CWH43: variants seen among roughly 807,000 people sequenced by gnomAD.
CWH43 encodes the protein PGAP2-interacting protein.
CWH43 carries 91 observed loss-of-function variants against 85.7 expected under a neutral mutation model. The ratio of observed to expected loss-of-function variants is 1.06; its 90% CI spans 0.90 to 1.26. The LOEUF (loss-of-function observed/expected upper bound fraction) is 1.26, where lower values mean the gene tolerates loss of function less well. Among genes scored for constraint, CWH43 ranks in the 50% most tolerant of loss-of-function variants. CWH43 has a pLI of 0.00. For synonymous variants in CWH43, 323 were observed against 293.6 expected (o/e 1.10, Z -1.02); for missense variants, 869 against 839.2 (o/e 1.04, Z -0.44).
At chr4:48,990,412 C>T (rs943445895) in intron 2 of CWH43, among the ~76,000 whole-genome samples, 6 of 152,150 alleles carry the variant, frequency 3.9e-5, no homozygotes, top group African/African-American at 1.4e-4. Context: ...TTAAAACTCC[C>T]TTCAAATACT....
In CWH43 at chr4:48,998,485, A is replaced by G. The variant is rs1782886141; in HGVS notation, c.739A>G (p.Ser247Gly). 6.2e-7 allele frequency: 1 copy of G among 1,613,944 alleles called. No homozygotes were observed. Among genetic ancestry groups the G allele is most frequent in the East Asian group, 2.2e-5 (1 of 44,886 alleles). Residue 247 changes from serine (S) to glycine (G), a missense_variant, in exon 6 of 16, where the codon AGT becomes GGT. Coordinates refer to ENST00000226432, the MANE Select transcript of CWH43 (RefSeq NM_025087.3). Reference protein sequence around the residue: ...FGGAVLLCLASGLMLPSCLWF... With the variant: ...FGGAVLLCLAGGLMLPSCLWF... Reference sequence around the variant, plus strand: ...AGGTGCAGTACTGCTGTGCTTGGCAAGTGGATTGATGCTTCCATCTTGTTT... The same window carrying G: ...AGGTGCAGTACTGCTGTGCTTGGCAGGTGGATTGATGCTTCCATCTTGTTT...
At chr4:49,044,300 C>T (rs143215338) in intron 13 of CWH43, among the ~76,000 whole-genome samples, 4 of 152,300 alleles carry the variant, frequency 2.6e-5, no homozygotes, top group South Asian at 2.1e-4. Flanking sequence ...AACACCTGCT[C>T]AATGCCAGGT....
chr4:49,053,868 G>A (rs978617718), intron 15 of CWH43, among the ~76,000 whole-genome samples: 1 of 152,156 alleles, frequency 6.6e-6, no homozygotes, highest in African/African-American at 2.4e-5. Context: ...TTCCAAAAAT[G>A]AATCCAAAAT....
chr4:49,007,645 G>A (rs1783205254), intron 8 of CWH43, among the ~76,000 whole-genome samples: 1 of 151,262 alleles, frequency 6.6e-6, no homozygotes, highest in Admixed American at 6.6e-5. Flanking sequence ...CCCACAGCAG[G>A]CCCCAGTGTG....
Position 49,044,786 on chromosome 4 carries a change from G to C in CWH43, c.1804G>C (p.Asp602His), listed in dbSNP as rs746550992. The change falls in exon 14 of 16, where the codon GAT becomes CAT. Residue 602 changes from aspartate to histidine, a missense_variant and splice_region_variant. By Grantham distance (81) the Asp-to-His change is moderately conservative. Transcript: ENST00000226432. ...LQLTEHGNVK[D>H]IDSTDHDRWC... ...CATTCTCCTCTCTGCTCTTTATTAG[G>C]ATATCGACAGCACTGATCATGACAG... The C allele has an allele frequency of 6.2e-7, 1 of 1,612,118 alleles. No homozygotes were observed. The highest frequency in any genetic ancestry group is 8.5e-7 in the Non-Finnish European group (1 of 1,178,706).
At chr4:49,061,315 T>A (rs1333420939) in intron 15 of CWH43, among the ~76,000 whole-genome samples, 2 of 152,222 alleles carry the variant, frequency 1.3e-5, no homozygotes, top group Non-Finnish European at 2.9e-5. Flanking sequence ...AGGAAGGAAG[T>A]GGCCTCTTAT....
At chr4:49,005,571 T>C (rs973546142) in intron 7 of CWH43, among the ~76,000 whole-genome samples, 30 of 151,364 alleles carry the variant, frequency 2.0e-4, no homozygotes, top group African/African-American at 7.0e-4. Context: ...TTCTTTTTTT[T>C]TTTTTTGAGA....
intron 14 of CWH43, among the ~76,000 whole-genome samples, chr4:49,048,745 T>C (rs1784708556): frequency 6.6e-6 from 1 of 152,088 alleles, no homozygotes; most frequent in Non-Finnish European, 1.5e-5. Flanking sequence ...CTTAATTATT[T>C]CCTTAGAAGA....
chr4:49,003,978 C>T lies in CWH43; in HGVS notation c.1046C>T (p.Ser349Leu), dbSNP rs150028125. The T allele has an allele frequency of 5.0e-6, 8 of 1,611,030 alleles. No homozygotes were observed. Among genetic ancestry groups the T allele is most frequent in the Middle Eastern group, 1.7e-4 (1 of 6,032 alleles). The change falls in exon 7 of 16, where the codon TCA becomes TTA. Residue 349 changes from serine to leucine, a missense_variant. Around this residue, in one of 3 missense-constraint regions of CWH43, gnomAD observed 577 missense variants for 513.1 expected, o/e 1.12. Coordinates refer to ENST00000226432, the MANE Select transcript of CWH43 (RefSeq NM_025087.3). ...GGAGGTGTCTACGCTAGAGAAAGAT[C>T]AGATGTGCTTTTGGGTGAGTACATT... ...VPGGVYARER[S>L]DVLLGTMMLI...
chr4:49,058,458 T>C (rs1376166311), intron 15 of CWH43, among the ~76,000 whole-genome samples: 1 of 152,198 alleles, frequency 6.6e-6, no homozygotes, highest in Non-Finnish European at 1.5e-5. Context: ...ATAGTTATTT[T>C]AATATTTATC....
chr4:49,036,879 C>A (rs1784278150), intron 12 of CWH43, among the ~76,000 whole-genome samples: 1 of 152,182 alleles, frequency 6.6e-6, no homozygotes, highest in African/African-American at 2.4e-5. Context: ...ATGGTCCCAG[C>A]TCCTCTGGGA....
intron 6 of CWH43, among the ~76,000 whole-genome samples, chr4:48,998,760 C>T (rs933225650): frequency 5.9e-5 from 9 of 152,174 alleles, no homozygotes; most frequent in Admixed American, 5.2e-4. Flanking sequence ...CCTCCGCCTC[C>T]CCCTCCTCCT....
At chr4:48,989,479 A>G (rs1278992463) in intron 2 of CWH43, among the ~76,000 whole-genome samples, 1 of 152,246 alleles carries the variant, frequency 6.6e-6, no homozygotes, top group Non-Finnish European at 1.5e-5. Context: ...AATATATCCT[A>G]CAGATATACT....
At chr4:49,046,308 C>CCATTCATTCATTCATTCATT (rs3038725) in intron 14 of CWH43, among the ~76,000 whole-genome samples, 1 of 150,542 alleles carries the variant, frequency 6.6e-6, no homozygotes, top group African/African-American at 2.4e-5. Flanking sequence ...GAGGGACTAA[C>CCATTCATTCATTCATTCATT]CATTCATTCA....
At chr4:49,003,710 T>A in intron 6 of CWH43, 25 bp from the exon 7 acceptor site, 1 of 1,612,646 alleles carries the variant, frequency 6.2e-7, no homozygotes, top group Non-Finnish European at 8.5e-7. Flanking sequence ...CTTTCCTGTC[T>A]GATTCTTTTC....
chr4:49,057,439 A>T (rs1286754006), intron 15 of CWH43, among the ~76,000 whole-genome samples: 3 of 152,236 alleles, frequency 2.0e-5, no homozygotes, highest in Non-Finnish European at 4.4e-5. Flanking sequence ...ATATGCATTT[A>T]TCTCAGTGAG....
At chr4:48,988,333 C>CTTTAAA in intron 1 of CWH43, 144 bp from the exon 2 acceptor site, 2 of 466,530 alleles carry the variant, frequency 4.3e-6, no homozygotes, top group Non-Finnish European at 7.3e-6. Flanking sequence ...TGTTCCATGT[C>CTTTAAA]AGTGGAGACA....
At chr4:49,041,088 C>G (rs888640127) in intron 13 of CWH43, among the ~76,000 whole-genome samples, 28 of 152,160 alleles carry the variant, frequency 1.8e-4, no homozygotes, top group African/African-American at 5.3e-4. Flanking sequence ...GCTCTGTTCT[C>G]TTCCATTGAT....
rs546170544 is a variant in CWH43 at position 49,005,433 on chromosome 4, C to T, written c.1060+1441C>T. On this transcript the variant is annotated intron_variant, in intron 7 of 15. Coordinates refer to ENST00000226432, the MANE Select transcript of CWH43 (RefSeq NM_025087.3). ...TATTAAAAACACCCACTGTCCTTGCCTACCTGGAGCTTTAGTTGAATGGGG... is the reference window on the plus strand; with the variant it reads ...TATTAAAAACACCCACTGTCCTTGCTTACCTGGAGCTTTAGTTGAATGGGG... 6.6e-5 allele frequency among the ~76,000 whole-genome samples: 10 copies of T among 152,230 alleles called. No homozygotes were observed. The South Asian group carries it at 2.1e-3, about 32-fold the overall frequency.
Sources: gnomAD v4.1 joint callset for allele counts (sites outside exome capture counted in the v4.1 genomes callset) on GRCh38, gnomAD v4.1.1 for gene constraint, gnomAD v4.1.1 regional missense constraint, MANE v1.5 for transcripts, NCBI Gene and HGNC (gene_info 2026-07-23, HGNC 2026-07-21) for gene names.